The following PMFBP1 variants were observed in gnomAD, a reference collection of about 807,000 sequenced individuals.
PMFBP1 encodes polyamine-modulated factor 1-binding protein 1.
PMFBP1 carries 131 observed loss-of-function variants against 137.8 expected under a neutral mutation model. The observed-to-expected ratio is 0.95, with a 90% CI of 0.82 to 1.10. PMFBP1 has a LOEUF of 1.10. PMFBP1 is among the 50% of genes least tolerant of loss of function. The pLI, the probability that PMFBP1 is intolerant of heterozygous loss-of-function variation, is 0.00. For synonymous variants in PMFBP1, 490 were observed against 450.4 expected (o/e 1.09, Z -1.11); for missense variants, 1,199 against 1,175.4 (o/e 1.02, Z -0.29).
chr16:72,189,317 TGC>T, the PMFBP1 span, among the ~76,000 whole-genome samples: 1 of 152,212 alleles, frequency 6.6e-6, no homozygotes, highest in Non-Finnish European at 1.5e-5. Context: ...AGCCACCACA[TGC>T]TGCCGTCCCT....
At chr16:72,233,566 T>C in the PMFBP1 span, among the ~76,000 whole-genome samples, 2 of 152,202 alleles carry the variant, frequency 1.3e-5, no homozygotes, top group African/African-American at 4.8e-5. Context: ...AACAACTTTA[T>C]TGAGATATAA....
chr16:72,200,445 A>G, the PMFBP1 span, among the ~76,000 whole-genome samples: 7 of 152,356 alleles, frequency 4.6e-5, no homozygotes, highest in Admixed American at 4.6e-4. Flanking sequence ...CTGGGAGGAC[A>G]TCTAATCTGC....
chr16:72,182,024 T>C, the PMFBP1 span, among the ~76,000 whole-genome samples: 1 of 152,352 alleles, frequency 6.6e-6, no homozygotes, highest in East Asian at 1.9e-4. Flanking sequence ...GAAATTGTGT[T>C]GGGCCACATT....
At chr16:72,136,854 T>C in intron 7 of PMFBP1, 35 bp from the exon 8 acceptor site, 4 of 1,613,112 alleles carry the variant, frequency 2.5e-6, no homozygotes, top group Non-Finnish European at 3.4e-6. Context: ...GATGAGGAGA[T>C]GAGAGACAAT....
the PMFBP1 span, among the ~76,000 whole-genome samples, chr16:72,221,177 A>G: frequency 6.6e-6 from 1 of 152,166 alleles, no homozygotes; most frequent in African/African-American, 2.4e-5. Context: ...CACCCCTGAC[A>G]TCTCTTCTTA....
chr16:72,182,231 A>C, the PMFBP1 span, among the ~76,000 whole-genome samples: 1 of 152,206 alleles, frequency 6.6e-6, no homozygotes, highest in South Asian at 2.1e-4. Context: ...GAGGTGGCTT[A>C]CACCTGTAAT....
chr16:72,228,883 G>C, the PMFBP1 span, among the ~76,000 whole-genome samples: 2 of 146,316 alleles, frequency 1.4e-5, no homozygotes, highest in Admixed American at 6.9e-5. Context: ...AGGTTCGGGG[G>C]TACATGTGCA....
At chr16:72,247,676 C>T in the PMFBP1 span, among the ~76,000 whole-genome samples, 5 of 152,138 alleles carry the variant, frequency 3.3e-5, no homozygotes, top group Non-Finnish European at 5.9e-5. Flanking sequence ...GCATTCTTGA[C>T]CTCATTATTA....
At chr16:72,182,983 G>T in the PMFBP1 span, among the ~76,000 whole-genome samples, 1 of 152,028 alleles carries the variant, frequency 6.6e-6, no homozygotes, top group Non-Finnish European at 1.5e-5. Context: ...AGGGGACTGG[G>T]TCCTCAGATT....
chr16:72,171,069 T>C (rs2043213542), intron 2 of PMFBP1, 128 bp downstream of exon 2: 1 of 1,099,334 alleles, frequency 9.1e-7, no homozygotes, highest in South Asian at 1.4e-5. Flanking sequence ...AACACGATGC[T>C]CTGCTGCCCA....
rs371185046 is a variant in PMFBP1 at position 72,123,653 on chromosome 16, G to A, written c.2590-4C>T. 2 of 1,612,896 alleles carry A rather than the reference G, an allele frequency of 1.2e-6. No homozygotes were observed. Among genetic ancestry groups the A allele is most frequent in the South Asian group, 1.1e-5 (1 of 90,964 alleles). On this transcript the variant is annotated splice_polypyrimidine_tract_variant and splice_region_variant and intron_variant, in intron 17 of 20. Transcript: ENST00000237353. Reference sequence around the variant, plus strand: ...ACCACTGGGGCAGGCAGCAGGGCTTGGGTACAAGAAGAAAACGAGACAGTC... The same window carrying A: ...ACCACTGGGGCAGGCAGCAGGGCTTAGGTACAAGAAGAAAACGAGACAGTC...
rs924815998 is a variant in PMFBP1, at chr16:72,163,707, G to A, written c.165+1057C>T. ...TTTGACTGGTTCCATGTTTTCGCAT[G>A]TGGTATATATATACAATGGAATACT... is the stretch of plus-strand genomic sequence containing the variant. On this transcript the variant is annotated intron_variant, in intron 3 of 20. Coordinates refer to ENST00000237353, the MANE Select transcript of PMFBP1 (RefSeq NM_031293.3). Among the ~76,000 whole-genome samples, 4 of 152,272 alleles carry A rather than the reference G, an allele frequency of 2.6e-5. No individual in the cohort carries two copies. In the East Asian group the frequency reaches 7.7e-4, roughly 29 times the overall value.
upstream of PMFBP1, among the ~76,000 whole-genome samples, chr16:72,181,697 A>C (rs1449443431): frequency 6.6e-6 from 1 of 152,240 alleles, no homozygotes; most frequent in African/African-American, 2.4e-5. Flanking sequence ...ATTCATTATA[A>C]AATAAAGCAT....
intron 5 of PMFBP1, among the ~76,000 whole-genome samples, chr16:72,150,207 T>A (rs1484119295): frequency 1.3e-5 from 2 of 151,964 alleles, no homozygotes; most frequent in Non-Finnish European, 2.9e-5. Context: ...TAAGAAAAGA[T>A]TGGACATTGT....
At chr16:72,168,296 G>GA (rs1418619259) in intron 2 of PMFBP1, among the ~76,000 whole-genome samples, 1 of 152,176 alleles carries the variant, frequency 6.6e-6, no homozygotes, top group Non-Finnish European at 1.5e-5. Flanking sequence ...GTGATTTCGA[G>GA]AATGATGTTC....
the PMFBP1 span, among the ~76,000 whole-genome samples, chr16:72,206,603 C>T: frequency 6.6e-6 from 1 of 152,304 alleles, no homozygotes; most frequent in Non-Finnish European, 1.5e-5. Context: ...GATGATGGAG[C>T]TAAGGCCCCA....
chr16:72,187,404 G>C, the PMFBP1 span, among the ~76,000 whole-genome samples: 4 of 152,138 alleles, frequency 2.6e-5, no homozygotes, highest in African/African-American at 9.7e-5. Flanking sequence ...TCTAGACAAT[G>C]TCTACATGAT....
chr16:72,247,415 A>G, the PMFBP1 span, among the ~76,000 whole-genome samples: 12 of 152,222 alleles, frequency 7.9e-5, no homozygotes, highest in African/African-American at 2.4e-4. Flanking sequence ...CTTCAGCTAC[A>G]ATTATCACAA....
the PMFBP1 span, among the ~76,000 whole-genome samples, chr16:72,233,065 G>A: frequency 2.0e-5 from 3 of 152,118 alleles, no homozygotes; most frequent in African/African-American, 7.2e-5. Flanking sequence ...CTCTCAAAAT[G>A]TTAAGGTAAA....
Sources: allele counts gnomAD v4.1 joint callset (sites outside exome capture counted in the v4.1 genomes callset), GRCh38; gene constraint gnomAD v4.1.1; transcripts MANE v1.5; gene names NCBI Gene and HGNC (gene_info 2026-07-23, HGNC 2026-07-21).